Variants in ADAT1 observed in about 807,000 individuals in gnomAD.
ADAT1 encodes adenosine deaminase tRNA specific 1, also known as tRNA-specific adenosine deaminase 1.
In ADAT1, 58 loss-of-function variants were observed where a neutral mutation model predicts 58.6. The observed-to-expected ratio is 0.99, with a 90% CI of 0.80 to 1.23. The LOEUF (loss-of-function observed/expected upper bound fraction) is 1.23, where lower values mean the gene tolerates loss of function less well. Ranked by LOEUF, ADAT1 falls within the 50% of genes most tolerant of loss-of-function variation. The pLI is 0.00. For missense variants in ADAT1, 741 were observed against 608.6 expected, an observed-to-expected ratio of 1.22 and a Z score of -2.29; for synonymous variants, 254 against 220.8, an observed-to-expected ratio of 1.15 and a Z score of -1.33.
At chr16:75,601,729 G>C (rs2081236057) in intron 9 of ADAT1, 1 of 152,240 alleles carries the variant, frequency 6.6e-6, no homozygotes. Context: ...CTGCACTCCA[G>C]CCTGGTTAAC....
rs375768086 is a variant in ADAT1, at chr16:75,599,892, A to G, written c.*324T>C. 9 of 1,051,046 alleles carry G rather than the reference A, an allele frequency of 8.6e-6. 1 individual carries two copies. Among genetic ancestry groups the G allele is most frequent in the South Asian group, 8.0e-5 (2 of 25,044 alleles). 65.1% of individuals were successfully genotyped at this position (1,051,046 alleles called of 1,614,324 possible). A position where few individuals can be genotyped will look rare whatever the true frequency, so the allele number is the denominator to read the frequency against. The stretch of plus-strand genomic sequence containing the variant: ...AGCTCAATAAATATTTGCTGAATCA[A>G]TGTAGGAACCCATAAAACAGAGCTG... On this transcript the variant is annotated 3_prime_UTR_variant, in exon 10 of 10. Coordinates refer to ENST00000564657, the MANE Select transcript of ADAT1 (RefSeq NM_001324445.2).
intron 4 of ADAT1, 100 bp from the exon 5 acceptor site, chr16:75,617,372 T>C: frequency 7.5e-7 from 1 of 1,327,380 alleles, no homozygotes; most frequent in Non-Finnish European, 1.1e-6. Context: ...TGTAGACTAA[T>C]GGGACTGGTA....
chr16:75,599,939 T>C lies in ADAT1; in HGVS notation c.*277A>G. ...GCTGCTGCAGAGTACTTTCAAAGCA[T>C]CATGTTCCAAACTCTGATTTCATAT... On this transcript the variant is annotated 3_prime_UTR_variant, in exon 10 of 10. Coordinates refer to ENST00000564657, the MANE Select transcript of ADAT1 (RefSeq NM_001324445.2). 8.5e-7 allele frequency: 1 copy of C among 1,172,162 alleles called. No individual in the cohort carries two copies. The allele number at this position is 1,172,162 out of a possible 1,614,324, so 72.6% of individuals were successfully genotyped here.
chr16:75,603,926 A>C (rs2081292549), intron 8 of ADAT1, among the ~76,000 whole-genome samples: 1 of 150,402 alleles, frequency 6.6e-6, no homozygotes, highest in African/African-American at 2.4e-5. Context: ...ATAGGGAATT[A>C]TGGAGTCTGT....
chr16:75,606,366 T>C lies in ADAT1; in HGVS notation c.1289+1858A>G, dbSNP rs1034636936. 2.0e-5 allele frequency among the ~76,000 whole-genome samples: 3 copies of C among 152,118 alleles called. No homozygotes were observed. In the East Asian group the frequency reaches 5.8e-4, roughly 29 times the overall value. ...CATGCCCCTTAGCAATCCCCTCCCATACGTAATAGGGCTGATCTGAATAAC... is the reference window on the plus strand; with the variant it reads ...CATGCCCCTTAGCAATCCCCTCCCACACGTAATAGGGCTGATCTGAATAAC... On this transcript the variant is annotated intron_variant, in intron 8 of 9. Transcript: ENST00000564657.
At chr16:75,619,356 C>T (rs2081853582) in intron 3 of ADAT1, among the ~76,000 whole-genome samples, 2 of 151,940 alleles carry the variant, frequency 1.3e-5, no homozygotes, top group Non-Finnish European at 2.9e-5. Context: ...GACCAAATCT[C>T]TACAAAATAA....
intron 3 of ADAT1, among the ~76,000 whole-genome samples, chr16:75,619,142 C>T (rs906465260): frequency 6.6e-6 from 1 of 152,214 alleles, no homozygotes; most frequent in African/African-American, 2.4e-5. Flanking sequence ...GATCCTGGAA[C>T]AGGTTCCTCA....
rs537431715 is a variant in ADAT1 at position 75,608,242 on chromosome 16, A to G, written c.1271T>C (p.Ile424Thr). Residue 424 changes from isoleucine to threonine, a missense_variant, in exon 8 of 10, where the codon ATT (isoleucine) becomes ACT (threonine). Transcript: ENST00000564657. The stretch of plus-strand genomic sequence containing the variant: ...GCTGTACCTTGCCTGAAGGCTTCCA[A>G]TTGTTTTCTTTGTTGTTCCCTGTGG... The part of the protein sequence containing the change: ...GFPQGTTKKT[I>T]GSLQARSQIS... The G allele has an allele frequency of 4.8e-5, 78 of 1,613,962 alleles. No individual in the cohort carries two copies. The highest frequency in any genetic ancestry group is 1.1e-4 in the South Asian group (10 of 91,062).
At chr16:75,614,105 G>A (rs745695349) in intron 5 of ADAT1, among the ~76,000 whole-genome samples, 41 of 152,200 alleles carry the variant, frequency 2.7e-4, no homozygotes, top group Admixed American at 1.7e-3. Flanking sequence ...CAGAACAATC[G>A]CTTGAATCCA....
intron 5 of ADAT1, 82 bp downstream of exon 5, chr16:75,617,060 T>TA: frequency 6.6e-7 from 1 of 1,508,672 alleles, no homozygotes; most frequent in Middle Eastern, 1.8e-4. Context: ...TAGTGCTTTT[T>TA]AGGAAAAAAC....
At chr16:75,609,806 C>G (rs936541437) in intron 6 of ADAT1, among the ~76,000 whole-genome samples, 3 of 152,108 alleles carry the variant, frequency 2.0e-5, no homozygotes, top group Admixed American at 2.0e-4. Context: ...TGGTCTCAAG[C>G]GATCCTCCCA....
intron 2 of ADAT1, 122 bp downstream of exon 2, chr16:75,620,509 A>G: frequency 7.1e-7 from 1 of 1,412,966 alleles, no homozygotes; most frequent in Non-Finnish European, 9.8e-7. Context: ...CTAGCAGAGG[A>G]CAAGCACATA....
chr16:75,605,146 A>G (rs969975319), intron 8 of ADAT1, among the ~76,000 whole-genome samples: 1 of 152,284 alleles, frequency 6.6e-6, no homozygotes, highest in South Asian at 2.1e-4. Flanking sequence ...GCTGGAGTGC[A>G]GTGGCGTGAT....
intron 5 of ADAT1, 79 bp downstream of exon 5, chr16:75,617,063 G>GA (rs1232136408): frequency 8.0e-6 from 12 of 1,508,500 alleles, no homozygotes; most frequent in East Asian, 4.6e-5. Flanking sequence ...TGCTTTTTAG[G>GA]AAAAAACCTA....
chr16:75,600,439 T>G, intron 9 of ADAT1, 91 bp from the exon 10 acceptor site: 1 of 1,551,436 alleles, frequency 6.4e-7, no homozygotes, highest in Admixed American at 2.0e-5. Flanking sequence ...CTGGACAGAC[T>G]TGTAATGAGA....
Position 75,599,965 on chromosome 16 carries a change from T to C in ADAT1, c.*251A>G. 1 of 1,221,112 alleles carries C rather than the reference T, an allele frequency of 8.2e-7. No individual in the cohort carries two copies. The highest frequency in any genetic ancestry group is 1.0e-6 in the Non-Finnish European group (1 of 976,428). 75.6% of individuals were successfully genotyped at this position (1,221,112 alleles called of 1,614,324 possible). On this transcript the variant is annotated 3_prime_UTR_variant, in exon 10 of 10. Coordinates refer to ENST00000564657, the MANE Select transcript of ADAT1 (RefSeq NM_001324445.2). ...CATGTTCCAAACTCTGATTTCATATTTTAGAGAAGCAATAAAACACAATGG... is the reference window on the plus strand; with the variant it reads ...CATGTTCCAAACTCTGATTTCATATCTTAGAGAAGCAATAAAACACAATGG...
chr16:75,602,057 G>GC (rs1269962447), intron 9 of ADAT1: 1 of 152,064 alleles, frequency 6.6e-6, no homozygotes, highest in African/African-American at 2.4e-5. Flanking sequence ...CTCATGGTGG[G>GC]CCCCCGAGAT....
intron 5 of ADAT1, among the ~76,000 whole-genome samples, chr16:75,613,914 G>A (rs1046728217): frequency 6.6e-6 from 1 of 152,148 alleles, no homozygotes; most frequent in African/African-American, 2.4e-5. Flanking sequence ...TTGGCAGGCA[G>A]GGTGCGGTGG....
chr16:75,603,074 A>G lies in ADAT1; in HGVS notation c.1376+11T>C. 1 of 1,612,340 alleles carries G rather than the reference A, an allele frequency of 6.2e-7. No individual in the cohort carries two copies. Among genetic ancestry groups the G allele is most frequent in the Non-Finnish European group, 8.5e-7 (1 of 1,178,498 alleles). ...ACCTAAATATGAGAAAACATAGGTC[A>G]ACAGCATCACCTGAGGGAGTGTGGC... On this transcript the variant is annotated intron_variant, in intron 9 of 9. Coordinates refer to ENST00000564657, the MANE Select transcript of ADAT1 (RefSeq NM_001324445.2).
Sources: allele counts gnomAD v4.1 joint callset (sites outside exome capture counted in the v4.1 genomes callset), GRCh38; gene constraint gnomAD v4.1.1; transcripts MANE v1.5; gene names NCBI Gene and HGNC (gene_info 2026-07-23, HGNC 2026-07-21).